PTGER3: variants seen among roughly 807,000 people sequenced by gnomAD.
PTGER3 encodes prostaglandin E receptor 3, also known as prostaglandin E2 receptor EP3 subtype.
In PTGER3, 22 loss-of-function variants were observed where a neutral mutation model predicts 34.7. The ratio of observed to expected loss-of-function variants is 0.63; its 90% CI spans 0.45 to 0.91. The LOEUF is 0.91. Among genes scored for constraint, PTGER3 ranks in the 40% least tolerant of loss-of-function variants. The probability of loss-of-function intolerance (pLI) is 0.00; values close to 1 mark genes in which losing one functional copy is unlikely to be tolerated. For synonymous variants in PTGER3, 241 were observed against 230.1 expected, an observed-to-expected ratio of 1.05 and a Z score of -0.43; for missense variants, 468 against 519.4, an observed-to-expected ratio of 0.90 and a Z score of 0.96.
intron 4 of PTGER3, among the ~76,000 whole-genome samples, chr1:70,858,305 T>TAA (rs1645855542): frequency 1.3e-5 from 2 of 150,684 alleles, no homozygotes; most frequent in African/African-American, 2.4e-5. Flanking sequence ...TTGAAACAAA[T>TAA]GCATCACTTT....
chr1:71,008,935 T>G (rs1014555627), intron 2 of PTGER3: 2 of 981,872 alleles, frequency 2.0e-6, no homozygotes, highest in Non-Finnish European at 2.4e-6. Context: ...GAGAAGCTTT[T>G]GGGGTTAAAT....
chr1:70,856,498 G>T (rs911484265), intron 4 of PTGER3, among the ~76,000 whole-genome samples: 3 of 149,296 alleles, frequency 2.0e-5, no homozygotes, highest in Non-Finnish European at 4.4e-5. Flanking sequence ...AAACAGAGTT[G>T]CATTTCCCCA....
chr1:70,883,607 C>T (rs1646437714), intron 4 of PTGER3, among the ~76,000 whole-genome samples: 1 of 152,082 alleles, frequency 6.6e-6, no homozygotes, highest in South Asian at 2.1e-4. Flanking sequence ...CCCATTTTAG[C>T]TTGGAATTAC....
At chr1:70,937,344 T>C (rs1055544286) in intron 4 of PTGER3, among the ~76,000 whole-genome samples, 2 of 152,218 alleles carry the variant, frequency 1.3e-5, no homozygotes, top group African/African-American at 4.8e-5. Context: ...AACCATTTAA[T>C]GGACATCATT....
chr1:70,898,950 C>A (rs1646778961), intron 4 of PTGER3, among the ~76,000 whole-genome samples: 1 of 152,090 alleles, frequency 6.6e-6, no homozygotes, highest in Admixed American at 6.6e-5. Context: ...TCACTCACCT[C>A]CCATCTGAGC....
intron 4 of PTGER3, among the ~76,000 whole-genome samples, chr1:70,904,801 A>G (rs1338203422): frequency 6.6e-6 from 1 of 152,188 alleles, no homozygotes; most frequent in Non-Finnish European, 1.5e-5. Flanking sequence ...AGAAAATCCC[A>G]TTTTCTGAGG....
chr1:70,953,784 T>C, exon 3 of PTGER3: 1 of 1,412,380 alleles, frequency 7.1e-7, no homozygotes, highest in Admixed American at 2.7e-5. Context: ...GTCTTCTTTT[T>C]CTCATCTGAA....
At chr1:70,909,675 A>G (rs909007437) in intron 4 of PTGER3, among the ~76,000 whole-genome samples, 5 of 152,304 alleles carry the variant, frequency 3.3e-5, no homozygotes, top group Middle Eastern at 3.4e-3. Flanking sequence ...TAATTTGTAG[A>G]TACAGTGTCT....
chr1:70,876,157 T>C (rs1272482986), intron 4 of PTGER3, among the ~76,000 whole-genome samples: 1 of 152,156 alleles, frequency 6.6e-6, no homozygotes, highest in Non-Finnish European at 1.5e-5. Context: ...GGTATTTCAT[T>C]GTGGTCTTGA....
At position 71,031,448 on chromosome 1, in the gene PTGER3, C is replaced by T. The variant is rs182099609; in HGVS notation, c.897+15233G>A. Among the ~76,000 whole-genome samples, 733 of 152,130 alleles carry T rather than the reference C, an allele frequency of 4.8e-3. 5 individuals are homozygous for T. The highest frequency in any genetic ancestry group is 7.4e-3 in the Non-Finnish European group (502 of 68,002). On this transcript the variant is annotated intron_variant, in intron 1 of 3. Transcript: ENST00000306666. ...CTGTATTCTGGGTGGGAGAGAAATC[C>T]CAGCACATATGTCATAAACCAAGTG...
At position 70,907,205 on chromosome 1, in the gene PTGER3, T is replaced by A. The variant is rs577289947; in HGVS notation, c.*23+46558A>T. ...TTAGCTATGGAAAATCACCTCTACA[T>A]TGCAAGGCATTTCAGGGTCCAAACT... On this transcript the variant is annotated intron_variant, in intron 4 of 4. Coordinates refer to the PTGER3 transcript ENST00000370931. Among the ~76,000 whole-genome samples, 5 of 152,340 alleles carry A rather than the reference T, an allele frequency of 3.3e-5. No individual in the cohort carries two copies. In the East Asian group the frequency reaches 9.6e-4, roughly 29 times the overall value.
chr1:70,959,595 G>A (rs1651713659), intron 2 of PTGER3, among the ~76,000 whole-genome samples: 2 of 152,018 alleles, frequency 1.3e-5, no homozygotes, highest in Non-Finnish European at 2.9e-5. Flanking sequence ...TCCTGACCTC[G>A]AATGATCCGT....
Position 71,047,694 on chromosome 1 carries a change from C to A in PTGER3, c.-117G>T. ...CCGCGGCTGGGGCTGGGCTGCCCCC[C>A]ATGGTGCGGGGCGCAGCCGCCGCCC... On this transcript the variant is annotated 5_prime_UTR_variant, in exon 1 of 4. It removes an upstream start codon present in the reference 5' UTR. Coordinates refer to ENST00000306666, the MANE Select transcript of PTGER3 (RefSeq NM_198719.2). 1.1e-5 allele frequency: 14 copies of A among 1,251,752 alleles called. No homozygotes were observed. The highest frequency in any genetic ancestry group is 3.4e-5 in the Admixed American group (1 of 29,776). 77.5% of individuals were successfully genotyped at this position (1,251,752 alleles called of 1,614,324 possible).
chr1:70,893,443 G>A (rs1213430432), intron 4 of PTGER3, among the ~76,000 whole-genome samples: 6 of 152,202 alleles, frequency 3.9e-5, no homozygotes, highest in Admixed American at 3.9e-4. Flanking sequence ...CCTGGGAATG[G>A]TAGTAGGGTC....
At chr1:70,925,596 A>C (rs1019722549) in intron 4 of PTGER3, among the ~76,000 whole-genome samples, 1 of 152,212 alleles carries the variant, frequency 6.6e-6, no homozygotes, top group African/African-American at 2.4e-5. Context: ...CTGCAAAAAA[A>C]TTAATGAACC....
chr1:70,994,191 G>A (rs923526071), intron 2 of PTGER3, among the ~76,000 whole-genome samples: 3 of 152,102 alleles, frequency 2.0e-5, no homozygotes, highest in African/African-American at 7.2e-5. Context: ...ATCAAAAACT[G>A]TCTTCCCTTC....
downstream of PTGER3, among the ~76,000 whole-genome samples, chr1:70,966,418 TA>T (rs1040991798): frequency 7.2e-5 from 11 of 152,058 alleles, no homozygotes; most frequent in South Asian, 4.1e-4. Flanking sequence ...AAAATGAATA[TA>T]AAAAAAGAAG....
exon 4 of PTGER3, chr1:70,953,047 A>G (rs1557681130): frequency 6.2e-7 from 1 of 1,601,192 alleles, no homozygotes. Context: ...GAGTTCTGCA[A>G]ACTGCAGATT....
chr1:71,006,107 TTC>T lies in PTGER3; in HGVS notation c.1077+6196_1077+6197del, dbSNP rs1181026757. On this transcript the variant is annotated intron_variant, in intron 2 of 3. Coordinates refer to ENST00000306666, the MANE Select transcript of PTGER3 (RefSeq NM_198719.2). ...AGGAGTATAGAACACTGGAACTTAT[TTC>T]TGTTATCTCTCTTATCTAGCTATGA... The T allele has an allele frequency of 1.6e-5, 15 of 927,090 alleles. No homozygotes were observed. The African/African-American group carries it at 2.1e-4, about 13-fold the overall frequency. The allele number at this position is 927,090 out of a possible 1,614,324, so 57.4% of individuals were successfully genotyped here. A position where few individuals can be genotyped will look rare whatever the true frequency, so the allele number is the denominator to read the frequency against.
Sources: allele counts gnomAD v4.1 joint callset (sites outside exome capture counted in the v4.1 genomes callset), GRCh38; gene constraint gnomAD v4.1.1; transcripts MANE v1.5; gene names NCBI Gene and HGNC (gene_info 2026-07-23, HGNC 2026-07-21).